The following CAMK4 variants were observed in gnomAD, a reference collection of about 807,000 sequenced individuals.
The protein encoded by CAMK4 is calcium/calmodulin dependent protein kinase IV.
Under a neutral mutation model 44.9 loss-of-function variants are expected in CAMK4, and 22 were observed. The ratio of observed to expected loss-of-function variants is 0.49; its 90% CI spans 0.35 to 0.70. The LOEUF is 0.70. Ranked by LOEUF, CAMK4 falls within the 30% of genes least tolerant of loss-of-function variation. The pLI, the probability that CAMK4 is intolerant of heterozygous loss-of-function variation, is 0.01. For missense variants in CAMK4, 498 were observed against 586.8 expected, an observed-to-expected ratio of 0.85 and a Z score of 1.56; for synonymous variants, 218 against 215.4, an observed-to-expected ratio of 1.01 and a Z score of -0.11.
At chr5:111,259,016 C>T (rs569768886) in intron 1 of CAMK4, among the ~76,000 whole-genome samples, 30 of 152,208 alleles carry the variant, frequency 2.0e-4, no homozygotes, top group African/African-American at 7.0e-4. Flanking sequence ...GAGATTTATG[C>T]TAATTTGTCA....
intron 2 of CAMK4, among the ~76,000 whole-genome samples, chr5:111,352,672 AGG>A (rs1750164398): frequency 8.6e-6 from 1 of 115,920 alleles, no homozygotes; most frequent in African/African-American, 3.1e-5. Flanking sequence ...AGGGAGAGGG[AGG>A]GAGGGAAGGG....
chr5:111,305,053 A>C (rs1747870923), intron 1 of CAMK4, among the ~76,000 whole-genome samples: 1 of 106,038 alleles, frequency 9.4e-6, no homozygotes, highest in Non-Finnish European at 1.9e-5. Flanking sequence ...ACCAACGAGA[A>C]CAAAGACACC....
intron 1 of CAMK4, among the ~76,000 whole-genome samples, chr5:111,243,983 A>G (rs62375585): frequency 0.2 from 30,077 of 152,148 alleles, 3,780 homozygotes; most frequent in Non-Finnish European, 0.28. Flanking sequence ...TTTAATACAG[A>G]TGAAGAAACC....
chr5:111,481,030 G>C (rs992283759), intron 9 of CAMK4, among the ~76,000 whole-genome samples: 1 of 152,122 alleles, frequency 6.6e-6, no homozygotes, highest in Non-Finnish European at 1.5e-5. Context: ...TGGATGTAAG[G>C]GGTACTGCAG....
Position 111,414,346 on chromosome 5 carries a change from AG to A in CAMK4, c.459+19565del, listed in dbSNP as rs1479999220. Among the ~76,000 whole-genome samples the A allele has an allele frequency of 5.3e-5, 8 of 152,282 alleles. No individual in the cohort carries two copies. The South Asian group carries it at 1.2e-3, about 24-fold the overall frequency. On this transcript the variant is annotated intron_variant, in intron 5 of 10. Transcript: ENST00000282356. ...AAATGTATCACTTAGACTAAACTGC[AG>A]CATCCCCCTCTTCTTTCCCCACTTC...
chr5:111,319,274 TTCTAG>T (rs1748561969), intron 1 of CAMK4, among the ~76,000 whole-genome samples: 2 of 152,174 alleles, frequency 1.3e-5, no homozygotes, highest in African/African-American at 4.8e-5. Context: ...TTTGGGACCT[TTCTAG>T]ATAGACTTCC....
chr5:111,294,011 T>C (rs1747387010), intron 1 of CAMK4, among the ~76,000 whole-genome samples: 1 of 152,130 alleles, frequency 6.6e-6, no homozygotes, highest in Non-Finnish European at 1.5e-5. Flanking sequence ...CCTCCCAAAG[T>C]GCTGGGATTA....
Position 111,484,379 on chromosome 5 carries a change from G to A in CAMK4, c.1335G>A (p.Glu445=), listed in dbSNP as rs1755541018. ...CAGAGGAGAAGCTGAAGACTGTGGA[G>A]GAGGCAGCAGCTCCCAGAGAAGGGC... ...GLAEEKLKTV[E]EAAAPREGQG... The change falls in exon 11 of 11, where the codon GAG becomes GAA. Residue 445 remains glutamate, a synonymous_variant. Transcript: ENST00000282356. This position sits in a 1 kb window ranked among gnomAD's most constrained non-coding sequence, Gnocchi z 5.3. 2.5e-6 allele frequency: 4 copies of A among 1,595,546 alleles called. No individual in the cohort carries two copies. The highest frequency in any genetic ancestry group is 3.4e-6 in the Non-Finnish European group (4 of 1,171,918).
chr5:111,310,374 T>C (rs1402643913), intron 1 of CAMK4, among the ~76,000 whole-genome samples: 2 of 152,170 alleles, frequency 1.3e-5, no homozygotes, highest in African/African-American at 4.8e-5. Context: ...ACATCGTGAG[T>C]AAGACGTCAG....
chr5:111,276,252 TA>T (rs1750755982), intron 1 of CAMK4, among the ~76,000 whole-genome samples: 1 of 152,218 alleles, frequency 6.6e-6, no homozygotes, highest in African/African-American at 2.4e-5. Context: ...GTTTTTCTTT[TA>T]AACTCTCTTT....
At chr5:111,393,969 CAG>C (rs934094976) in intron 4 of CAMK4, among the ~76,000 whole-genome samples, 1 of 142,778 alleles carries the variant, frequency 7.0e-6, no homozygotes, top group Non-Finnish European at 1.5e-5. Context: ...AAAAGTGAAA[CAG>C]AGATGGAGAA....
chr5:111,428,259 A>G (rs754778771), intron 5 of CAMK4, among the ~76,000 whole-genome samples: 14 of 152,266 alleles, frequency 9.2e-5, no homozygotes, highest in Non-Finnish European at 1.6e-4. Context: ...CCTCAAGAAG[A>G]ACAGCTACAA....
At chr5:111,293,761 T>TC (rs1351426318) in intron 1 of CAMK4, among the ~76,000 whole-genome samples, 2 of 147,550 alleles carry the variant, frequency 1.4e-5, no homozygotes, top group Non-Finnish European at 3.0e-5. Flanking sequence ...TTTTTTTTTT[T>TC]TTTGAGACGG....
intron 5 of CAMK4, 109 bp downstream of exon 5, chr5:111,394,891 A>ATAAAT (rs1194689883): frequency 7.1e-6 from 5 of 699,796 alleles, no homozygotes; most frequent in Non-Finnish European, 1.2e-5. Context: ...TTACAGCATA[A>ATAAAT]AGTTGTGAAA....
intron 1 of CAMK4, among the ~76,000 whole-genome samples, chr5:111,295,210 C>T (rs745626694): frequency 6.6e-6 from 1 of 152,176 alleles, no homozygotes; most frequent in Non-Finnish European, 1.5e-5. Context: ...AAGAAGCCAG[C>T]ATATCTGCAG....
intron 5 of CAMK4, among the ~76,000 whole-genome samples, chr5:111,432,002 G>C (rs998779778): frequency 6.6e-6 from 1 of 152,024 alleles, no homozygotes; most frequent in Admixed American, 6.6e-5. Flanking sequence ...CCCATTGTTG[G>C]GTATGTACCC....
chr5:111,369,153 C>T (rs1351667385), intron 2 of CAMK4, among the ~76,000 whole-genome samples: 1 of 151,672 alleles, frequency 6.6e-6, no homozygotes, highest in Non-Finnish European at 1.5e-5. Context: ...GCAACCTCCA[C>T]CTCCTGGGTT....
At chr5:111,374,964 G>A (rs1751159396) in intron 3 of CAMK4, 52 bp downstream of exon 3, 1 of 1,273,838 alleles carries the variant, frequency 7.9e-7, no homozygotes, top group Non-Finnish European at 1.1e-6. Flanking sequence ...CTAGAGAAAG[G>A]GACCTTTGTC....
At chr5:111,353,923 G>C (rs1453074911) in intron 2 of CAMK4, among the ~76,000 whole-genome samples, 4 of 152,078 alleles carry the variant, frequency 2.6e-5, no homozygotes, top group African/African-American at 9.7e-5. Context: ...TACCCAAAGT[G>C]ATCTACAGAT....
Sources: gnomAD v4.1 joint callset for allele counts (sites outside exome capture counted in the v4.1 genomes callset) on GRCh38, gnomAD v4.1.1 for gene constraint, Gnocchi (gnomAD v3.1) non-coding constraint, MANE v1.5 for transcripts, NCBI Gene and HGNC (gene_info 2026-07-23, HGNC 2026-07-21) for gene names.